The following NRG3 variants were observed in gnomAD, a reference collection of about 807,000 sequenced individuals.
NRG3 encodes the protein pro-neuregulin-3, membrane-bound isoform.
A neutral mutation model predicts 66.9 loss-of-function variants in NRG3; 31 were observed. That is an observed-to-expected ratio of 0.46 (90% CI 0.35 to 0.63). The LOEUF (loss-of-function observed/expected upper bound fraction) is 0.63, where lower values mean the gene tolerates loss of function less well. NRG3 is among the 20% of genes least tolerant of loss of function. The pLI, the probability that NRG3 is intolerant of heterozygous loss-of-function variation, is 0.00. For missense variants in NRG3, 910 were observed against 878.9 expected (o/e 1.04, Z -0.45); for synonymous variants, 393 against 359.4 (o/e 1.09, Z -1.06).
chr10:82,043,612 C>T (rs2063138116), intron 1 of NRG3, among the ~76,000 whole-genome samples: 1 of 151,954 alleles, frequency 6.6e-6, no homozygotes, highest in Admixed American at 6.6e-5. Flanking sequence ...GGAGAATCAT[C>T]CTGTCACCTC....
intron 2 of NRG3, among the ~76,000 whole-genome samples, chr10:82,644,664 A>G (rs551144173): frequency 6.6e-5 from 10 of 152,276 alleles, no homozygotes; most frequent in South Asian, 2.1e-4. Context: ...TCAGTAGGAG[A>G]GCAAAATCAA....
At chr10:82,711,320 C>T (rs180782133) in intron 2 of NRG3, among the ~76,000 whole-genome samples, 1 of 152,150 alleles carries the variant, frequency 6.6e-6, no homozygotes, top group Non-Finnish European at 1.5e-5. Context: ...TTCCTGGCCT[C>T]AAGTTTTCCT....
intron 3 of NRG3, among the ~76,000 whole-genome samples, chr10:82,857,443 C>A (rs897888697): frequency 6.6e-6 from 1 of 152,116 alleles, no homozygotes; most frequent in African/African-American, 2.4e-5. Context: ...TGGTGTGAGG[C>A]TGACCATGGT....
intron 1 of NRG3, among the ~76,000 whole-genome samples, chr10:81,879,266 A>C (rs1329694021): frequency 2.0e-5 from 3 of 152,228 alleles, no homozygotes; most frequent in Non-Finnish European, 4.4e-5. Context: ...AACATCTTTG[A>C]AGCATTTTGT....
At position 82,600,462 on chromosome 10, in the gene NRG3, A is replaced by G. The variant is rs114348445; in HGVS notation, c.954-138115A>G. Among the ~76,000 whole-genome samples the G allele has an allele frequency of 5.5e-3, 831 of 152,196 alleles. 8 individuals carry two copies. The highest frequency in any genetic ancestry group is 0.019 in the African/African-American group (792 of 41,546). On this transcript the variant is annotated intron_variant, in intron 2 of 8. Transcript: ENST00000372141. ...AAATTTGAATTATAAATAAACCAGTATCTTATTTATTTATTTGCTATTTTT... is the reference window on the plus strand; with the variant it reads ...AAATTTGAATTATAAATAAACCAGTGTCTTATTTATTTATTTGCTATTTTT...
rs559250978 is a variant in NRG3 at position 82,830,201 on chromosome 10, C to T, written c.1028-35210C>T. ...ATTAAAAGCTCAGAATAGTCCTAAT[C>T]GGTTTAACTTTGTATAAACACTCAG... is the stretch of plus-strand genomic sequence containing the variant. On this transcript the variant is annotated intron_variant, in intron 3 of 8. Transcript: ENST00000372141. Among the ~76,000 whole-genome samples the T allele has an allele frequency of 3.9e-5, 6 of 152,268 alleles. No individual in the cohort carries two copies. The South Asian group carries it at 1.0e-3, about 26-fold the overall frequency.
intron 1 of NRG3, among the ~76,000 whole-genome samples, chr10:82,150,732 A>G (rs760945615): frequency 2.8e-4 from 43 of 152,218 alleles, no homozygotes; most frequent in Non-Finnish European, 5.1e-4. Flanking sequence ...TCCGTCTTTC[A>G]TCTGCTTCTG....
At chr10:82,309,175 C>A (rs142100017) in intron 1 of NRG3, among the ~76,000 whole-genome samples, 3 of 152,160 alleles carry the variant, frequency 2.0e-5, no homozygotes, top group Non-Finnish European at 4.4e-5. Flanking sequence ...GAGAAGCTTT[C>A]GGGACTGAAG....
At chr10:82,406,714 AT>A (rs541048832) in intron 2 of NRG3, among the ~76,000 whole-genome samples, 18 of 152,008 alleles carry the variant, frequency 1.2e-4, no homozygotes, top group African/African-American at 3.6e-4. Flanking sequence ...ACTCCTGAGG[AT>A]TTTTTTTCTT....
chr10:82,365,097 T>C (rs1054374864), intron 2 of NRG3, among the ~76,000 whole-genome samples: 5 of 152,226 alleles, frequency 3.3e-5, no homozygotes, highest in African/African-American at 1.2e-4. Context: ...AGTTAGTGCT[T>C]TGCCCTGTCA....
chr10:82,978,989 C>T lies in NRG3; in HGVS notation c.1452C>T (p.Gly484=), dbSNP rs761174309. ...SSCCSPGQRS[G]MLHRNAFRRT... ...GCTGCAGCCCAGGGCAAAGAAGTGG[C>T]ATGCTCCATAGGAATGCCTTCAGAA... The change falls in exon 8 of 9, where the codon GGC becomes GGT. Residue 484 remains glycine (G), a synonymous_variant. Coordinates refer to ENST00000372141, the MANE Select transcript of NRG3 (RefSeq NM_001010848.4). The T allele has an allele frequency of 3.1e-6, 5 of 1,614,022 alleles. No homozygotes were observed. The highest frequency in any genetic ancestry group is 4.2e-6 in the Non-Finnish European group (5 of 1,179,958).
intron 2 of NRG3, among the ~76,000 whole-genome samples, chr10:82,571,123 C>T (rs2045707349): frequency 6.6e-6 from 1 of 151,374 alleles, no homozygotes; most frequent in African/African-American, 2.4e-5. Flanking sequence ...TCTATGTCTT[C>T]TAGGTTTTGT....
At chr10:82,684,928 A>G (rs959055028) in intron 2 of NRG3, among the ~76,000 whole-genome samples, 8 of 152,238 alleles carry the variant, frequency 5.3e-5, no homozygotes, top group Non-Finnish European at 7.3e-5. Flanking sequence ...TAGTGCCTTG[A>G]TAAGGAATTA....
At chr10:82,548,039 G>T (rs994089639) in intron 2 of NRG3, among the ~76,000 whole-genome samples, 12 of 121,028 alleles carry the variant, frequency 9.9e-5, no homozygotes, top group East Asian at 2.9e-4. Flanking sequence ...CTCATGCCAC[G>T]TTTTTTTTTT....
chr10:82,705,089 G>A (rs1244871401), intron 2 of NRG3, among the ~76,000 whole-genome samples: 1 of 152,180 alleles, frequency 6.6e-6, no homozygotes, highest in Non-Finnish European at 1.5e-5. Context: ...TATGGAATTA[G>A]TTTGCTGGAG....
At chr10:82,720,559 C>A (rs180827214) in intron 2 of NRG3, among the ~76,000 whole-genome samples, 4 of 151,768 alleles carry the variant, frequency 2.6e-5, no homozygotes, top group African/African-American at 9.7e-5. Flanking sequence ...CCTAGAACAC[C>A]GAGGTTGATT....
chr10:82,534,655 C>G (rs948850647), intron 2 of NRG3, among the ~76,000 whole-genome samples: 7 of 152,262 alleles, frequency 4.6e-5, no homozygotes, highest in African/African-American at 1.4e-4. Context: ...AGAGGCATCA[C>G]ACTTTCTGAT....
chr10:82,695,168 C>A (rs1378472644), intron 2 of NRG3, among the ~76,000 whole-genome samples: 1 of 152,064 alleles, frequency 6.6e-6, no homozygotes, highest in Non-Finnish European at 1.5e-5. Flanking sequence ...GAGCCTGTAT[C>A]AATTTAAAAT....
intron 1 of NRG3, among the ~76,000 whole-genome samples, chr10:82,109,535 TTGTGTGTGTGTGTGTGTGTGTGTGTG>T (rs747213240): frequency 3.6e-5 from 5 of 138,774 alleles, no homozygotes; most frequent in Non-Finnish European, 6.2e-5. Context: ...AAGAATAAGA[TTGTGTGTGTGTGTGTGTGTGTGTGTG>T]TGTGTGTGTG....
Sources: gnomAD v4.1 joint callset for allele counts (sites outside exome capture counted in the v4.1 genomes callset) on GRCh38, gnomAD v4.1.1 for gene constraint, MANE v1.5 for transcripts, NCBI Gene and HGNC (gene_info 2026-07-23, HGNC 2026-07-21) for gene names.